The following ARHGAP29 variants were observed in gnomAD, a reference collection of about 807,000 sequenced individuals.
ARHGAP29 encodes the protein Rho GTPase activating protein 29.
A neutral mutation model predicts 122.6 loss-of-function variants in ARHGAP29; 43 were observed. The observed-to-expected ratio is 0.35, with a 90% confidence interval of 0.27 to 0.45. The LOEUF is 0.45. ARHGAP29 is among the 20% of genes least tolerant of loss of function. The pLI is 1.00. For missense variants in ARHGAP29, 1,303 were observed against 1,477.2 expected (o/e 0.88, Z 1.93); for synonymous variants, 506 against 497.1 (o/e 1.02, Z -0.24).
rs540146463 is a variant in ARHGAP29, at chr1:94,232,354, A to G, written c.-32-711T>C. ...GTTTTTCCTAATAATGCATATACAT[A>G]CATATACACAGACACACACACACAA... On this transcript the variant is annotated intron_variant, in intron 1 of 22. Transcript: ENST00000260526. Among the ~76,000 whole-genome samples, 8 of 152,328 alleles carry G rather than the reference A, an allele frequency of 5.3e-5. No individual in the cohort carries two copies. The East Asian group carries it at 1.5e-3, about 29-fold the overall frequency.
chr1:94,197,234 C>T (rs892287307), intron 12 of ARHGAP29, among the ~76,000 whole-genome samples: 5 of 151,900 alleles, frequency 3.3e-5, no homozygotes, highest in Admixed American at 2.6e-4. Flanking sequence ...TACTACAAGA[C>T]ACACTGTGCA....
upstream of ARHGAP29, among the ~76,000 whole-genome samples, chr1:94,277,257 T>A: frequency 6.6e-6 from 1 of 152,190 alleles, no homozygotes; most frequent in East Asian, 1.9e-4. Context: ...GAAGATCTTG[T>A]TCCTAGGAAA....
intron 1 of ARHGAP29, among the ~76,000 whole-genome samples, chr1:94,250,769 A>T (rs1654050907): frequency 6.6e-6 from 1 of 152,238 alleles, no homozygotes. Context: ...AGATGAAGAT[A>T]TCATACTCAT....
chr1:94,309,033 C>T, the ARHGAP29 span, among the ~76,000 whole-genome samples: 2 of 152,232 alleles, frequency 1.3e-5, no homozygotes, highest in African/African-American at 4.8e-5. Context: ...CTCTGTCCTG[C>T]TCCCTGGGAT....
rs1413792612 is a variant in ARHGAP29, at chr1:94,174,424, T to C, written c.3231A>G (p.Leu1077=). The change falls in exon 23 of 23, where the codon CTA becomes CTG. Residue 1077 remains leucine, a synonymous_variant. Coordinates refer to ENST00000260526, the MANE Select transcript of ARHGAP29 (RefSeq NM_004815.4). ...CATACTGTTTGTCCTGAATTTTCTG[T>C]AGAGTTTGCTGGTCAAAGCCATTAA... is the stretch of plus-strand genomic sequence containing the variant. ...SKFNGFDQQT[L]QKIQDKQYEQ... The C allele has an allele frequency of 1.9e-6, 3 of 1,614,218 alleles. No homozygotes were observed. The highest frequency in any genetic ancestry group is 2.2e-5 in the East Asian group (1 of 44,886).
At position 94,177,866 on chromosome 1, in the gene ARHGAP29, A is replaced by C; in HGVS notation, c.2782T>G (p.Phe928Val). The C allele has an allele frequency of 6.2e-7, 1 of 1,607,740 alleles. No individual in the cohort carries two copies. Among genetic ancestry groups the C allele is most frequent in the Non-Finnish European group, 8.5e-7 (1 of 1,178,074 alleles). The change falls in exon 21 of 23, where the codon TTT (phenylalanine) becomes GTT (valine). Residue 928 changes from phenylalanine (F) to valine (V), a missense_variant. Around this residue, in one of 3 missense-constraint regions of ARHGAP29, gnomAD observed 620 missense variants for 651.2 expected, o/e 0.95. Coordinates refer to ENST00000260526, the MANE Select transcript of ARHGAP29 (RefSeq NM_004815.4). ...GTCAAACTCACTTCCTTTGAAGAAA[A>C]AAATAGTGACTTCATGGAACGTTCA... ...DIERSMKSLF[F>V]SSKEDIHTSE...
At chr1:94,257,294 C>G (rs1166798932) in intron 1 of ARHGAP29, among the ~76,000 whole-genome samples, 1 of 151,784 alleles carries the variant, frequency 6.6e-6, no homozygotes, top group East Asian at 1.9e-4. Flanking sequence ...CTCAGCTACC[C>G]GGGAGGCTGA....
chr1:94,312,058 C>T, the ARHGAP29 span, among the ~76,000 whole-genome samples: 1 of 152,222 alleles, frequency 6.6e-6, no homozygotes, highest in African/African-American at 2.4e-5. Context: ...CAACACCTTT[C>T]TCCTACATAT....
In ARHGAP29 at chr1:94,185,431, G is replaced by C; in HGVS notation, c.1831C>G (p.Leu611Val). Residue 611 changes from leucine to valine, a missense_variant, in exon 17 of 23, where the codon CTC becomes GTC. Transcript: ENST00000260526. The stretch of plus-strand genomic sequence containing the variant: ...CTCAATTTGCGAAACTTGTGTGTGA[G>C]AGCTGCCTTTGACATCAATGTTTTC... The part of the protein sequence containing the change: ...FKKTLMSKAA[L>V]THKFRKLRSP... 1.2e-6 allele frequency: 2 copies of C among 1,613,022 alleles called. No individual in the cohort carries two copies. The highest frequency in any genetic ancestry group is 2.2e-5 in the East Asian group (1 of 44,832).
Position 94,205,174 on chromosome 1 carries a change from T to C in ARHGAP29, c.584A>G (p.Asp195Gly), listed in dbSNP as rs573851918. The C allele has an allele frequency of 8.8e-6, 14 of 1,597,500 alleles. No homozygotes were observed. The South Asian group carries it at 1.4e-4, about 16-fold the overall frequency. Residue 195 changes from aspartate to glycine, a missense_variant, in exon 7 of 23, where the codon GAC (aspartate) becomes GGC (glycine). Asp to Gly is a moderately conservative substitution (Grantham distance 94). Around this residue, in one of 3 missense-constraint regions of ARHGAP29, gnomAD observed 592 missense variants for 648.2 expected, o/e 0.91. Coordinates refer to ENST00000260526, the MANE Select transcript of ARHGAP29 (RefSeq NM_004815.4). Reference sequence around the variant, plus strand: ...GTCAGTGTTCTTTAACAGCACGTTGTCTAGTTCTAAAGGGGAAAAATTTCC... The same window carrying C: ...GTCAGTGTTCTTTAACAGCACGTTGCCTAGTTCTAAAGGGGAAAAATTTCC... ...EKGNFSPLEL[D>G]NVLLKNTDSI...
At chr1:94,233,743 A>G (rs115007146) in intron 1 of ARHGAP29, among the ~76,000 whole-genome samples, 140 of 152,290 alleles carry the variant, frequency 9.2e-4, no homozygotes, top group Non-Finnish European at 1.7e-3. Flanking sequence ...ATTTTACATA[A>G]TAATACATGT....
In ARHGAP29 at chr1:94,172,985, G is replaced by C. The variant is rs1278192317; in HGVS notation, c.*884C>G. On this transcript the variant is annotated 3_prime_UTR_variant, in exon 23 of 23. Transcript: ENST00000260526. ...CTAAGTCAAAACATTTCATACAAAA[G>C]GAATGGTTTTAACCCAGACAAATCA... is the stretch of plus-strand genomic sequence containing the variant. 1 of 152,436 alleles carries C rather than the reference G, an allele frequency of 6.6e-6. No individual in the cohort carries two copies. The highest frequency in any genetic ancestry group is 2.1e-4 in the South Asian group (1 of 4,826). 9.4% of individuals were successfully genotyped at this position (152,436 alleles called of 1,614,324 possible).
chr1:94,305,387 A>G, the ARHGAP29 span, among the ~76,000 whole-genome samples: 1 of 152,188 alleles, frequency 6.6e-6, no homozygotes, highest in Non-Finnish European at 1.5e-5. Context: ...AGAGAACAGC[A>G]CTGGAAGTAA....
chr1:94,199,339 A>AGTG (rs1281413039), intron 12 of ARHGAP29, among the ~76,000 whole-genome samples: 14 of 152,226 alleles, frequency 9.2e-5, no homozygotes, highest in African/African-American at 3.1e-4. Context: ...TGCAGAGGCA[A>AGTG]TTTAATGAAA....
chr1:94,207,874 A>G (rs969655058), intron 5 of ARHGAP29, among the ~76,000 whole-genome samples: 1 of 151,822 alleles, frequency 6.6e-6, no homozygotes, highest in African/African-American at 2.4e-5. Flanking sequence ...TTTTAGAGAC[A>G]GAGTCGCACT....
At chr1:94,285,058 G>T in the ARHGAP29 span, among the ~76,000 whole-genome samples, 2 of 152,104 alleles carry the variant, frequency 1.3e-5, no homozygotes, top group Non-Finnish European at 2.9e-5. Context: ...AAAAATTATT[G>T]TCTACCTAAC....
chr1:94,231,673 A>C, intron 1 of ARHGAP29, 30 bp from the exon 2 acceptor site: 1 of 1,507,858 alleles, frequency 6.6e-7, no homozygotes, highest in African/African-American at 1.4e-5. Flanking sequence ...AAACAAAAAC[A>C]AGCGAGGAGA....
At position 94,264,177 on chromosome 1, in the gene ARHGAP29, C is replaced by T. The variant is rs551011101; in HGVS notation, c.-33+10835G>A. On this transcript the variant is annotated intron_variant and NMD_transcript_variant, in intron 1 of 25. Coordinates refer to the ARHGAP29 transcript ENST00000552844. Reference sequence around the variant, plus strand: ...ATTGGCAGTAGCTGTAGTGAGATGGCGGTAGAATGGCCATCTGACTATGGC... The same window carrying T: ...ATTGGCAGTAGCTGTAGTGAGATGGTGGTAGAATGGCCATCTGACTATGGC... Among the ~76,000 whole-genome samples, 45 of 152,280 alleles carry T rather than the reference C, an allele frequency of 3.0e-4. 1 individual carries two copies. In the South Asian group the frequency reaches 8.5e-3, roughly 29 times the overall value.
upstream of ARHGAP29, among the ~76,000 whole-genome samples, chr1:94,276,084 C>G (rs1194580435): frequency 6.6e-6 from 1 of 151,910 alleles, no homozygotes; most frequent in Non-Finnish European, 1.5e-5. Flanking sequence ...ATGGCAAAAC[C>G]CATCTCTACT....
Sources: allele counts gnomAD v4.1 joint callset (sites outside exome capture counted in the v4.1 genomes callset), GRCh38; gene constraint gnomAD v4.1.1; regional missense constraint gnomAD v4.1.1; transcripts MANE v1.5; gene names NCBI Gene and HGNC (gene_info 2026-07-23, HGNC 2026-07-21).